AKAP19: variants seen among roughly 807,000 people sequenced by gnomAD.
AKAP19 encodes the protein A-kinase anchoring protein 19, also known as small A-kinase anchoring protein.
chr2:190,158,450 AAC>A, the AKAP19 span, among the ~76,000 whole-genome samples: 1 of 152,258 alleles, frequency 6.6e-6, no homozygotes, highest in African/African-American at 2.4e-5. Context: ...AAGTAAATTT[AAC>A]AGTGTGTTTC....
the AKAP19 span, among the ~76,000 whole-genome samples, chr2:189,889,297 T>C: frequency 6.6e-6 from 1 of 152,186 alleles, no homozygotes; most frequent in African/African-American, 2.4e-5. Flanking sequence ...CTTGATCGTG[T>C]TGGATAAGCT....
At chr2:190,037,883 T>C in the AKAP19 span, among the ~76,000 whole-genome samples, 13 of 152,190 alleles carry the variant, frequency 8.5e-5, no homozygotes, top group Non-Finnish European at 1.5e-5. Context: ...CTGATCAAAG[T>C]TACGTGTTTT....
the AKAP19 span, among the ~76,000 whole-genome samples, chr2:190,107,593 C>T: frequency 6.6e-6 from 1 of 152,136 alleles, no homozygotes; most frequent in Non-Finnish European, 1.5e-5. Flanking sequence ...GATGTCCAGC[C>T]TCATCCTTCA....
the AKAP19 span, among the ~76,000 whole-genome samples, chr2:190,138,123 A>G: frequency 6.6e-6 from 1 of 152,222 alleles, no homozygotes; most frequent in Admixed American, 6.5e-5. Context: ...GGTGGTATGA[A>G]ACATGCTTCA....
the AKAP19 span, among the ~76,000 whole-genome samples, chr2:190,184,850 C>T: frequency 6.6e-6 from 1 of 152,080 alleles, no homozygotes; most frequent in Non-Finnish European, 1.5e-5. Context: ...AAATTAAGTC[C>T]ATTGGGTAAA....
chr2:189,915,594 A>T, the AKAP19 span, among the ~76,000 whole-genome samples: 2 of 152,140 alleles, frequency 1.3e-5, no homozygotes, highest in Admixed American at 6.6e-5. Context: ...TAAAGTGTAC[A>T]ACTAATCATT....
the AKAP19 span, chr2:190,189,722 A>G: frequency 3.9e-5 from 6 of 152,214 alleles, no homozygotes; most frequent in African/African-American, 1.2e-4. Context: ...ATAAAGGACA[A>G]AAGACTCTCA....
the AKAP19 span, among the ~76,000 whole-genome samples, chr2:190,007,259 A>G: frequency 6.6e-6 from 1 of 152,214 alleles, no homozygotes; most frequent in South Asian, 2.1e-4. Flanking sequence ...ATCAATGCCT[A>G]TATTCTCCAT....
At chr2:190,037,241 A>G in the AKAP19 span, among the ~76,000 whole-genome samples, 2 of 152,344 alleles carry the variant, frequency 1.3e-5, no homozygotes, top group South Asian at 2.1e-4. Flanking sequence ...TAGGTAATGA[A>G]CACAGTCCCA....
At chr2:189,898,387 T>C in the AKAP19 span, among the ~76,000 whole-genome samples, 1,755 of 152,296 alleles carry the variant, frequency 0.012, 21 homozygotes, top group Middle Eastern at 0.024. Flanking sequence ...TGATTTGAAA[T>C]GAAAATAAAG....
the AKAP19 span, among the ~76,000 whole-genome samples, chr2:189,928,212 A>T: frequency 6.6e-6 from 1 of 152,140 alleles, no homozygotes; most frequent in African/African-American, 2.4e-5. Context: ...ATATTCAGGA[A>T]CAATACTACA....
chr2:190,125,298 C>T, the AKAP19 span, among the ~76,000 whole-genome samples: 1 of 149,106 alleles, frequency 6.7e-6, no homozygotes, highest in Non-Finnish European at 1.5e-5. Context: ...CCCTCATATA[C>T]ACAGTTCGTT....
chr2:189,926,304 TG>T, the AKAP19 span, among the ~76,000 whole-genome samples: 1 of 152,352 alleles, frequency 6.6e-6, no homozygotes, highest in Admixed American at 6.5e-5. Context: ...TTTTGTTTTT[TG>T]TTTTTTTGAG....
chr2:189,973,211 A>C, the AKAP19 span, among the ~76,000 whole-genome samples: 1 of 152,106 alleles, frequency 6.6e-6, no homozygotes, highest in Non-Finnish European at 1.5e-5. Flanking sequence ...GAATTTTGTC[A>C]AAGGCCTTTT....
At chr2:190,019,845 T>C in the AKAP19 span, among the ~76,000 whole-genome samples, 1 of 152,290 alleles carries the variant, frequency 6.6e-6, no homozygotes, top group African/African-American at 2.4e-5. Context: ...CCTACCCTTC[T>C]GATGCCATTT....
At chr2:190,061,177 T>C in the AKAP19 span, among the ~76,000 whole-genome samples, 2 of 152,146 alleles carry the variant, frequency 1.3e-5, no homozygotes, top group East Asian at 3.9e-4. Flanking sequence ...AAATGGAAAT[T>C]CTTTGCTGCA....
the AKAP19 span, among the ~76,000 whole-genome samples, chr2:189,920,705 TG>T: frequency 1.3e-5 from 2 of 152,194 alleles, no homozygotes; most frequent in Non-Finnish European, 2.9e-5. Context: ...AAACCTTTTT[TG>T]TTCAAATTCT....
the AKAP19 span, among the ~76,000 whole-genome samples, chr2:190,078,733 C>G: frequency 1.3e-5 from 2 of 152,050 alleles, no homozygotes; most frequent in Non-Finnish European, 2.9e-5. Context: ...GACAATCTGG[C>G]ACTATCTTTT....
the AKAP19 span, among the ~76,000 whole-genome samples, chr2:190,045,229 C>G: frequency 3.3e-5 from 5 of 152,078 alleles, no homozygotes; most frequent in African/African-American, 1.2e-4. Flanking sequence ...AAGAAACAGT[C>G]TGGCCACATT....
Sources: gnomAD v4.1 joint callset for allele counts (sites outside exome capture counted in the v4.1 genomes callset) on GRCh38, gnomAD v4.1.1 for gene constraint, MANE v1.5 for transcripts, NCBI Gene and HGNC (gene_info 2026-07-23, HGNC 2026-07-21) for gene names.